KCNMB2: variants seen among roughly 807,000 people sequenced by gnomAD.
The protein encoded by KCNMB2 is potassium calcium-activated channel subfamily M regulatory beta subunit 2.
A neutral mutation model predicts 24.5 loss-of-function variants in KCNMB2; 9 were observed. The ratio of observed to expected loss-of-function variants is 0.37; its 90% CI spans 0.22 to 0.64. The LOEUF is 0.64. Ranked by LOEUF, KCNMB2 falls within the 30% of genes least tolerant of loss-of-function variation. KCNMB2 has a pLI of 0.63. For missense variants in KCNMB2, 226 were observed against 284.3 expected, an observed-to-expected ratio of 0.79 and a Z score of 1.47; for synonymous variants, 109 against 104.4, an observed-to-expected ratio of 1.04 and a Z score of -0.27.
At chr3:178,547,615 G>C (rs1715817014) in intron 1 of KCNMB2, among the ~76,000 whole-genome samples, 1 of 152,064 alleles carries the variant, frequency 6.6e-6, no homozygotes, top group Non-Finnish European at 1.5e-5. Flanking sequence ...TACTTGACTT[G>C]AATTATGTTT....
chr3:178,543,823 T>C lies in KCNMB2; in HGVS notation c.-68+7112T>C, dbSNP rs549773515. Among the ~76,000 whole-genome samples the C allele has an allele frequency of 3.3e-4, 51 of 152,334 alleles. 1 individual carries two copies. The highest frequency in any genetic ancestry group is 1.2e-3 in the African/African-American group (50 of 41,578). On this transcript the variant is annotated intron_variant, in intron 1 of 4. Transcript: ENST00000452583. Reference sequence around the variant, plus strand: ...CTCCAAAAGTGTGTATGTGTCACTGTCATAAAAATGTCACAGATTTTTAAG... The same window carrying C: ...CTCCAAAAGTGTGTATGTGTCACTGCCATAAAAATGTCACAGATTTTTAAG...
chr3:178,552,131 A>G (rs1451756495), intron 1 of KCNMB2, among the ~76,000 whole-genome samples: 2 of 152,176 alleles, frequency 1.3e-5, no homozygotes, highest in Non-Finnish European at 2.9e-5. Context: ...TTCCCTTTGT[A>G]TATGCACAAG....
chr3:178,818,726 G>A (rs139972611), intron 2 of KCNMB2, among the ~76,000 whole-genome samples: 1 of 152,102 alleles, frequency 6.6e-6, no homozygotes, highest in Non-Finnish European at 1.5e-5. Context: ...ACACTAACAC[G>A]AGTGATCTTT....
At chr3:178,640,499 C>A (rs1719685203) in intron 1 of KCNMB2, among the ~76,000 whole-genome samples, 1 of 152,192 alleles carries the variant, frequency 6.6e-6, no homozygotes, top group African/African-American at 2.4e-5. Context: ...CACCACGTCC[C>A]TCCCCAACAC....
At chr3:178,619,042 C>A (rs1264191113) in intron 1 of KCNMB2, among the ~76,000 whole-genome samples, 2 of 152,100 alleles carry the variant, frequency 1.3e-5, no homozygotes, top group African/African-American at 4.8e-5. Flanking sequence ...TTCTCTAATA[C>A]AGTGAGGAAA....
At chr3:178,653,449 C>T (rs934024362) in intron 1 of KCNMB2, among the ~76,000 whole-genome samples, 27 of 151,948 alleles carry the variant, frequency 1.8e-4, no homozygotes, top group African/African-American at 6.0e-4. Context: ...AGAAAGGATA[C>T]TATGTACTGT....
At chr3:178,837,001 C>T (rs1197198042) in intron 4 of KCNMB2, among the ~76,000 whole-genome samples, 3 of 152,090 alleles carry the variant, frequency 2.0e-5, no homozygotes, top group Non-Finnish European at 4.4e-5. Flanking sequence ...AAATTCACAC[C>T]TGCCTAAGAA....
chr3:178,562,040 G>A (rs975716228), intron 1 of KCNMB2, among the ~76,000 whole-genome samples: 10 of 152,122 alleles, frequency 6.6e-5, no homozygotes, highest in African/African-American at 2.2e-4. Flanking sequence ...GTGACAGCTC[G>A]TGAACAAATA....
At chr3:178,835,112 C>A (rs566335422) in intron 4 of KCNMB2, among the ~76,000 whole-genome samples, 1 of 151,482 alleles carries the variant, frequency 6.6e-6, no homozygotes, top group South Asian at 2.1e-4. Context: ...TTTCCTAGGT[C>A]TTTCAAGTTT....
chr3:178,738,119 C>T (rs941757052), intron 1 of KCNMB2, among the ~76,000 whole-genome samples: 2 of 152,066 alleles, frequency 1.3e-5, no homozygotes, highest in African/African-American at 4.8e-5. Flanking sequence ...TCCTCCAGAA[C>T]TCCTCCCCCT....
chr3:178,702,465 C>T (rs1419663571), intron 1 of KCNMB2, among the ~76,000 whole-genome samples: 2 of 150,952 alleles, frequency 1.3e-5, no homozygotes, highest in Non-Finnish European at 3.0e-5. Context: ...TAAAGAAATA[C>T]ATAAAAATAA....
intron 1 of KCNMB2, among the ~76,000 whole-genome samples, chr3:178,709,826 A>G (rs995172224): frequency 2.0e-5 from 3 of 152,150 alleles, no homozygotes; most frequent in African/African-American, 7.2e-5. Context: ...AAGCCATTCT[A>G]TGTACATCTT....
Position 178,769,796 on chromosome 3 carries a change from T to C in KCNMB2, c.-67-37547T>C, listed in dbSNP as rs530895725. On this transcript the variant is annotated intron_variant, in intron 1 of 4. Coordinates refer to ENST00000452583, the MANE Select transcript of KCNMB2 (RefSeq NM_181361.3). Reference sequence around the variant, plus strand: ...AAAAATTACAATGATGGTCTAGTGTTAGCAAATACTAAAATGTGACATAAA... The same window carrying C: ...AAAAATTACAATGATGGTCTAGTGTCAGCAAATACTAAAATGTGACATAAA... 2.6e-5 allele frequency among the ~76,000 whole-genome samples: 4 copies of C among 152,346 alleles called. No homozygotes were observed. The East Asian group carries it at 7.7e-4, about 29-fold the overall frequency.
intron 1 of KCNMB2, among the ~76,000 whole-genome samples, chr3:178,586,764 C>T (rs1020649686): frequency 2.0e-5 from 3 of 151,890 alleles, no homozygotes; most frequent in Non-Finnish European, 4.4e-5. Flanking sequence ...AGGCTCGTCT[C>T]GAACTCCTGA....
intron 1 of KCNMB2, among the ~76,000 whole-genome samples, chr3:178,701,762 G>A (rs1225755894): frequency 1.3e-5 from 2 of 152,144 alleles, no homozygotes; most frequent in African/African-American, 4.8e-5. Flanking sequence ...AAAAAGTCAG[G>A]AAACAACAGG....
At chr3:178,758,295 TATATATATATCTCCAAGGGG>T (rs1265209734) in intron 1 of KCNMB2, among the ~76,000 whole-genome samples, 22 of 36,984 alleles carry the variant, frequency 5.9e-4, no homozygotes, top group Non-Finnish European at 8.5e-4. Flanking sequence ...CAAGGGGATA[TATATATATATCTCCAAGGGG>T]ATATATATAT....
At chr3:178,688,300 T>C (rs1201638889) in intron 1 of KCNMB2, among the ~76,000 whole-genome samples, 1 of 152,158 alleles carries the variant, frequency 6.6e-6, no homozygotes, top group African/African-American at 2.4e-5. Context: ...AGCCTGAATT[T>C]TAAAATCAAG....
At chr3:178,732,310 T>C (rs1191841428) in intron 1 of KCNMB2, among the ~76,000 whole-genome samples, 2 of 152,228 alleles carry the variant, frequency 1.3e-5, no homozygotes, top group African/African-American at 4.8e-5. Context: ...CAAATTTACC[T>C]ACTTGCTATA....
At chr3:178,648,744 A>C (rs1429840032) in intron 1 of KCNMB2, among the ~76,000 whole-genome samples, 1 of 152,162 alleles carries the variant, frequency 6.6e-6, no homozygotes, top group East Asian at 1.9e-4. Context: ...AATAAACATC[A>C]ACTCCATATA....
Sources: allele counts gnomAD v4.1 joint callset (sites outside exome capture counted in the v4.1 genomes callset), GRCh38; gene constraint gnomAD v4.1.1; transcripts MANE v1.5; gene names NCBI Gene and HGNC (gene_info 2026-07-23, HGNC 2026-07-21).